MTTP: variants seen among roughly 807,000 people sequenced by gnomAD.
MTTP encodes the protein microsomal triglyceride transfer protein large subunit.
In MTTP, 49 loss-of-function variants were observed where a neutral mutation model predicts 90.6. That is an observed-to-expected ratio of 0.54 (90% CI 0.43 to 0.69). The LOEUF is 0.69. MTTP is among the 30% of genes least tolerant of loss of function. The probability of loss-of-function intolerance (pLI) is 0.00; values close to 1 mark genes in which losing one functional copy is unlikely to be tolerated. For missense variants in MTTP, 945 were observed against 1,067.5 expected (o/e 0.89, Z 1.60); for synonymous variants, 347 against 384.2 (o/e 0.90, Z 1.13).
intron 1 of MTTP, among the ~76,000 whole-genome samples, chr4:99,575,754 C>T (rs1724941184): frequency 6.6e-6 from 1 of 152,122 alleles, no homozygotes; most frequent in South Asian, 2.1e-4. Flanking sequence ...ATCGGTTTTC[C>T]AAATGCTGCA....
rs1726303630 is a variant in MTTP at position 99,623,765 on chromosome 4, T to C, written c.*917T>C. ...ACATTGCTTCAAGAAACTGGTGGAT[T>C]TGGATTTCCAAAATATGAAATAAGG... On this transcript the variant is annotated 3_prime_UTR_variant, in exon 18 of 18. Transcript: ENST00000265517. 6.6e-6 allele frequency: 1 copy of C among 152,200 alleles called. No individual in the cohort carries two copies. Among genetic ancestry groups the C allele is most frequent in the Non-Finnish European group, 1.5e-5 (1 of 68,028 alleles). The allele number at this position is 152,200 out of a possible 1,614,324, so 9.4% of individuals were successfully genotyped here.
intron 6 of MTTP, 66 bp from the exon 7 acceptor site, chr4:99,594,667 G>A (rs1186228249): frequency 6.3e-7 from 1 of 1,576,266 alleles, no homozygotes; most frequent in Non-Finnish European, 8.7e-7. Flanking sequence ...CAAAAGAATG[G>A]CAATTAGTAT....
chr4:99,591,833 T>A (rs1327490096), intron 6 of MTTP, 43 bp downstream of exon 6: 1 of 1,482,614 alleles, frequency 6.7e-7, no homozygotes, highest in Admixed American at 1.8e-5. Context: ...CTATTCTTTG[T>A]TATATTATTA....
intron 5 of MTTP, 122 bp downstream of exon 5, chr4:99,591,473 G>T: frequency 8.9e-7 from 1 of 1,129,938 alleles, no homozygotes; most frequent in Non-Finnish European, 1.3e-6. Context: ...TTTAGTTTAG[G>T]CTACAAATTC....
intron 12 of MTTP, among the ~76,000 whole-genome samples, chr4:99,609,319 G>T (rs553130440): frequency 6.6e-6 from 1 of 152,258 alleles, no homozygotes; most frequent in South Asian, 2.1e-4. Context: ...TTACCAAATG[G>T]TTTTCATTGT....
chr4:99,597,968 C>A (rs1011596796), intron 8 of MTTP, among the ~76,000 whole-genome samples: 5 of 152,098 alleles, frequency 3.3e-5, no homozygotes, highest in Non-Finnish European at 7.4e-5. Flanking sequence ...GAAAAACAGT[C>A]ATTAACATAA....
chr4:99,619,838 A>G (rs1726186398), intron 16 of MTTP, among the ~76,000 whole-genome samples: 1 of 152,236 alleles, frequency 6.6e-6, no homozygotes, highest in Non-Finnish European at 1.5e-5. Flanking sequence ...TGTGACCCAC[A>G]GTGTTACCAA....
At chr4:99,585,298 G>A (rs771554523) in intron 3 of MTTP, among the ~76,000 whole-genome samples, 1 of 152,096 alleles carries the variant, frequency 6.6e-6, no homozygotes, top group Non-Finnish European at 1.5e-5. Flanking sequence ...TCAACCTCTT[G>A]TGATAGATGA....
chr4:99,571,839 T>A (rs1247334103), upstream of MTTP, among the ~76,000 whole-genome samples: 1 of 151,694 alleles, frequency 6.6e-6, no homozygotes, highest in Non-Finnish European at 1.5e-5. Flanking sequence ...GAAAATACTT[T>A]TAGAGTTTAA....
Position 99,606,936 on chromosome 4 carries a change from T to G in MTTP, c.1533T>G (p.Tyr511Ter). Residue 511 changes from tyrosine (Y) to a stop codon, truncating the protein, a stop_gained, in exon 11 of 18, where the codon TAT becomes TAG. Coordinates refer to ENST00000265517, the MANE Select transcript of MTTP (RefSeq NM_001386140.1). LOFTEE classifies it high-confidence loss of function. ...TGGCTACCACTGCTCTCCAGAGATA[T>G]GATCTCCCTTTCATAACTGATGAGG... is the stretch of plus-strand genomic sequence containing the variant. ...SHLATTALQR[Y>*]DLPFITDEVK... is the part of the protein sequence containing the mutation. The G allele has an allele frequency of 6.2e-7, 1 of 1,613,700 alleles. No homozygotes were observed. The highest frequency in any genetic ancestry group is 1.1e-5 in the South Asian group (1 of 91,050).
In MTTP at chr4:99,621,238, T is replaced by C; in HGVS notation, c.2513+7T>C. The C allele has an allele frequency of 1.2e-6, 2 of 1,613,948 alleles. No individual in the cohort carries two copies. The highest frequency in any genetic ancestry group is 1.7e-5 in the Admixed American group (1 of 60,026). On this transcript the variant is annotated splice_region_variant and intron_variant, in intron 17 of 17. Transcript: ENST00000265517. ...AGGATGAAGCTCCATTCAGGTAAGATGCAGCGTTCAGGTCATGTTCCAGGA... is the reference window on the plus strand; with the variant it reads ...AGGATGAAGCTCCATTCAGGTAAGACGCAGCGTTCAGGTCATGTTCCAGGA...
intron 12 of MTTP, among the ~76,000 whole-genome samples, chr4:99,609,319 G>A (rs553130440): frequency 5.9e-5 from 9 of 152,258 alleles, no homozygotes; most frequent in Non-Finnish European, 1.2e-4. Flanking sequence ...TTACCAAATG[G>A]TTTTCATTGT....
Position 99,609,113 on chromosome 4 carries a change from C to T in MTTP, c.1769+136C>T, listed in dbSNP as rs569048195. The T allele has an allele frequency of 3.5e-6, 3 of 847,006 alleles. No individual in the cohort carries two copies. The Admixed American group carries it at 6.0e-5, about 17-fold the overall frequency. 52.5% of individuals were successfully genotyped at this position (847,006 alleles called of 1,614,324 possible). ...TAAAACCAAAGAGTGCCAGATTTCC[C>T]ATAATAGGGCTATTTAGGGGGCCAG... On this transcript the variant is annotated intron_variant, in intron 12 of 17. Coordinates refer to ENST00000265517, the MANE Select transcript of MTTP (RefSeq NM_001386140.1).
chr4:99,600,626 G>A lies in MTTP; in HGVS notation c.1129G>A (p.Asp377Asn). Reference protein sequence around the residue: ...QTSDSLEAILDFLDFKSDSSI... With the variant: ...QTSDSLEAILNFLDFKSDSSI... ...CTCAGACTCATTAGAAGCCATTTTG[G>A]ACTTTTTGGATTTCAAAAGTGACAG... Residue 377 changes from aspartate (D) to asparagine (N), a missense_variant, in exon 9 of 18, where the codon GAC (aspartate) becomes AAC (asparagine). Coordinates refer to ENST00000265517, the MANE Select transcript of MTTP (RefSeq NM_001386140.1). 1 of 1,613,746 alleles carries A rather than the reference G, an allele frequency of 6.2e-7. No individual in the cohort carries two copies. The highest frequency in any genetic ancestry group is 8.5e-7 in the Non-Finnish European group (1 of 1,179,808).
At chr4:99,585,906 G>T (rs1482821350) in intron 3 of MTTP, among the ~76,000 whole-genome samples, 1 of 152,112 alleles carries the variant, frequency 6.6e-6, no homozygotes, top group Non-Finnish European at 1.5e-5. Context: ...GGAAGTTTTG[G>T]CCATGTCACT....
chr4:99,601,840 G>T, intron 10 of MTTP, 126 bp downstream of exon 10: 1 of 749,310 alleles, frequency 1.3e-6, no homozygotes, highest in Non-Finnish European at 2.4e-6. Context: ...TATTTGCATA[G>T]CAATTTTTGC....
At chr4:99,601,581 CT>C (rs1725699402) in intron 9 of MTTP, 25 bp from the exon 10 acceptor site, 1 of 1,464,706 alleles carries the variant, frequency 6.8e-7, no homozygotes, top group African/African-American at 1.4e-5. Flanking sequence ...TCTTGGTAAC[CT>C]ATTTTATCCC....
intron 7 of MTTP, among the ~76,000 whole-genome samples, chr4:99,596,295 A>G (rs529137001): frequency 6.6e-6 from 1 of 152,292 alleles, no homozygotes; most frequent in African/African-American, 2.4e-5. Flanking sequence ...GGATTTCATA[A>G]AACTAGGGGG....
intron 2 of MTTP, among the ~76,000 whole-genome samples, 164 bp from the exon 3 acceptor site, chr4:99,583,210 T>C (rs1391854733): frequency 6.6e-6 from 1 of 152,172 alleles, no homozygotes. Context: ...ACCTTCTCCA[T>C]TCTTTTAAAG....
Sources: allele counts gnomAD v4.1 joint callset (sites outside exome capture counted in the v4.1 genomes callset), GRCh38; gene constraint gnomAD v4.1.1; transcripts MANE v1.5; gene names NCBI Gene and HGNC (gene_info 2026-07-23, HGNC 2026-07-21).